Variants in DGKD observed in about 807,000 individuals in gnomAD.
DGKD encodes diacylglycerol kinase delta.
In DGKD, 68 loss-of-function variants were observed where a neutral mutation model predicts 154.4. The ratio of observed to expected loss-of-function variants is 0.44; its 90% confidence interval spans 0.36 to 0.54. DGKD has a LOEUF of 0.54. DGKD is among the 20% of genes least tolerant of loss of function. The pLI, the probability that DGKD is intolerant of heterozygous loss-of-function variation, is 0.00. For missense variants in DGKD, 1,343 were observed against 1,593.6 expected, an observed-to-expected ratio of 0.84 and a Z score of 2.68; for synonymous variants, 693 against 638.0, an observed-to-expected ratio of 1.09 and a Z score of -1.30.
intron 26 of DGKD, 70 bp downstream of exon 26, chr2:233,462,805 G>A: frequency 7.6e-7 from 1 of 1,320,514 alleles, no homozygotes. Flanking sequence ...CAGGTTGCTG[G>A]GCACACAGGG....
At chr2:233,363,763 A>G (rs1701894771) in intron 1 of DGKD, among the ~76,000 whole-genome samples, 1 of 152,264 alleles carries the variant, frequency 6.6e-6, no homozygotes, top group African/African-American at 2.4e-5. Context: ...ATATTTAGAT[A>G]CGCAAATACT....
At chr2:233,376,998 A>G (rs1316472001) in intron 1 of DGKD, among the ~76,000 whole-genome samples, 1 of 152,038 alleles carries the variant, frequency 6.6e-6, no homozygotes, top group Non-Finnish European at 1.5e-5. Flanking sequence ...CTTTTTGGAA[A>G]AAAAAAACTA....
In DGKD at chr2:233,438,229, C is replaced by T. The variant is rs2062764130; in HGVS notation, c.935C>T (p.Ala312Val). Reference sequence around the variant, plus strand: ...TTCTTGCGTCCAGGGTTCTGGAAGGCCAGCTGTCCTCCTTCTTGCACAAGC... The same window carrying T: ...TTCTTGCGTCCAGGGTTCTGGAAGGTCAGCTGTCCTCCTTCTTGCACAAGC... ...NSIDSDGFWKASCPPSCTSPL... is the reference protein window; with the variant it reads ...NSIDSDGFWKVSCPPSCTSPL... The change falls in exon 9 of 30, where the codon GCC (alanine) becomes GTC (valine). Residue 312 changes from alanine (A) to valine (V), a missense_variant. Ala to Val is a moderately conservative substitution (Grantham distance 64). This residue lies in a region of DGKD where 332 missense variants were observed against 400.1 expected (regional missense o/e 0.83). Transcript: ENST00000264057. The surrounding 1 kb of genome is among the most constrained non-coding windows in gnomAD (Gnocchi z 4.1). 1 of 1,613,976 alleles carries T rather than the reference C, an allele frequency of 6.2e-7. No individual in the cohort carries two copies. The highest frequency in any genetic ancestry group is 8.5e-7 in the Non-Finnish European group (1 of 1,179,974).
At chr2:233,360,674 C>G (rs2125374478) in intron 1 of DGKD, among the ~76,000 whole-genome samples, 2 of 152,334 alleles carry the variant, frequency 1.3e-5, no homozygotes, top group South Asian at 4.1e-4. Context: ...TAGGCTCAAG[C>G]CACTGTGCCT....
At chr2:233,384,088 A>G (rs1198517877) in intron 1 of DGKD, among the ~76,000 whole-genome samples, 1 of 152,150 alleles carries the variant, frequency 6.6e-6, no homozygotes, top group African/African-American at 2.4e-5. Flanking sequence ...TCATAAAAAG[A>G]AAGTTGTAAG....
intron 3 of DGKD, among the ~76,000 whole-genome samples, chr2:233,424,163 T>C (rs1266355639): frequency 2.0e-5 from 3 of 152,204 alleles, no homozygotes; most frequent in Non-Finnish European, 4.4e-5. Flanking sequence ...CATTAATTAC[T>C]CTTAGGCCCT....
chr2:233,408,706 G>A (rs1267086598), intron 3 of DGKD, among the ~76,000 whole-genome samples: 2 of 152,180 alleles, frequency 1.3e-5, no homozygotes, highest in South Asian at 2.1e-4. Flanking sequence ...GTCGAGCACC[G>A]GGCAGAGTAG....
intron 3 of DGKD, among the ~76,000 whole-genome samples, chr2:233,420,501 G>A (rs1433795343): frequency 2.0e-5 from 3 of 152,052 alleles, no homozygotes; most frequent in African/African-American, 7.2e-5. Context: ...CCTAACTTTG[G>A]TGTTTGTCAT....
chr2:233,424,596 C>G (rs1211640517), intron 3 of DGKD, among the ~76,000 whole-genome samples: 2 of 152,230 alleles, frequency 1.3e-5, no homozygotes, highest in Non-Finnish European at 1.5e-5. Context: ...GCTTCCCTGC[C>G]TCCGGCCCAC....
At chr2:233,397,492 G>T (rs1177020373) in intron 3 of DGKD, among the ~76,000 whole-genome samples, 2 of 137,922 alleles carry the variant, frequency 1.5e-5, no homozygotes, top group Non-Finnish European at 3.1e-5. Context: ...GCTGGCGGGG[G>T]GCCAGAGCGA....
intron 3 of DGKD, among the ~76,000 whole-genome samples, chr2:233,395,976 C>G (rs1181641252): frequency 1.3e-5 from 2 of 152,066 alleles, no homozygotes; most frequent in Non-Finnish European, 2.9e-5. Flanking sequence ...AGCTCTTATT[C>G]GATTCATACC....
chr2:233,406,591 A>T (rs749710176), intron 3 of DGKD, among the ~76,000 whole-genome samples: 1 of 152,212 alleles, frequency 6.6e-6, no homozygotes, highest in Non-Finnish European at 1.5e-5. Flanking sequence ...CATAACCAGG[A>T]TTCATGGCCC....
chr2:233,411,832 A>ATGG (rs1366594886), intron 3 of DGKD, among the ~76,000 whole-genome samples: 1 of 152,128 alleles, frequency 6.6e-6, no homozygotes, highest in Non-Finnish European at 1.5e-5. Flanking sequence ...CGACCCCCAT[A>ATGG]TGGATATTCA....
intron 3 of DGKD, among the ~76,000 whole-genome samples, chr2:233,413,112 G>T (rs1378519316): frequency 4.6e-5 from 7 of 152,160 alleles, no homozygotes; most frequent in Non-Finnish European, 1.0e-4. Flanking sequence ...AAAATAGAGA[G>T]TCAGGCCAGA....
Position 233,434,269 on chromosome 2 carries a change from G to A in DGKD, c.349-111G>A, listed in dbSNP as rs1003632796. The A allele has an allele frequency of 1.1e-5, 9 of 790,094 alleles. No individual in the cohort carries two copies. In the African/African-American group the frequency reaches 1.2e-4, roughly 11 times the overall value. 48.9% of individuals were successfully genotyped at this position (790,094 alleles called of 1,614,324 possible). A position where few individuals can be genotyped will look rare whatever the true frequency, so the allele number is the denominator to read the frequency against. ...TGTTTTCGGTTCAGTGTGAATACCT[G>A]AATGAAATAGTAATTTTTATGTCTG... is the stretch of plus-strand genomic sequence containing the variant. On this transcript the variant is annotated intron_variant, in intron 3 of 29. Coordinates refer to ENST00000264057, the MANE Select transcript of DGKD (RefSeq NM_152879.3).
intron 3 of DGKD, among the ~76,000 whole-genome samples, chr2:233,402,294 C>G (rs1390866273): frequency 2.6e-5 from 4 of 152,164 alleles, no homozygotes; most frequent in African/African-American, 9.7e-5. Flanking sequence ...TTTTTCAAAG[C>G]TTTCCAAAAT....
chr2:233,438,808 A>G lies in DGKD; in HGVS notation c.1085+429A>G, dbSNP rs542123710. On this transcript the variant is annotated intron_variant, in intron 9 of 29. Coordinates refer to ENST00000264057, the MANE Select transcript of DGKD (RefSeq NM_152879.3). The surrounding 1 kb of genome is among the most constrained non-coding windows in gnomAD (Gnocchi z 4.1). ...TATCTATCTATCTATCTATCTATCTATCTATCTGTGGGTGTATTTTCCTGG... is the reference window on the plus strand; with the variant it reads ...TATCTATCTATCTATCTATCTATCTGTCTATCTGTGGGTGTATTTTCCTGG... 3.0e-3 allele frequency among the ~76,000 whole-genome samples: 387 copies of G among 130,628 alleles called. No homozygotes were observed. Among genetic ancestry groups the G allele is most frequent in the Non-Finnish European group, 4.9e-3 (299 of 60,488 alleles). 85.7% of individuals were successfully genotyped at this position (130,628 alleles called of 152,430 possible). A position where few individuals can be genotyped will look rare whatever the true frequency, so the allele number is the denominator to read the frequency against.
intron 1 of DGKD, among the ~76,000 whole-genome samples, chr2:233,368,961 T>C (rs1378834440): frequency 2.0e-5 from 3 of 152,230 alleles, no homozygotes; most frequent in Non-Finnish European, 4.4e-5. Context: ...TTGCTGCCCA[T>C]TTCCTGCCAG....
chr2:233,466,652 C>T (rs1048135809), intron 27 of DGKD, among the ~76,000 whole-genome samples: 13 of 152,132 alleles, frequency 8.5e-5, no homozygotes, highest in African/African-American at 2.2e-4. Flanking sequence ...GGGAGTGGAT[C>T]GCAAGGAAAG....
Sources: gnomAD v4.1 joint callset for allele counts (sites outside exome capture counted in the v4.1 genomes callset) on GRCh38, gnomAD v4.1.1 for gene constraint, gnomAD v4.1.1 regional missense constraint, Gnocchi (gnomAD v3.1) non-coding constraint, MANE v1.5 for transcripts, NCBI Gene and HGNC (gene_info 2026-07-23, HGNC 2026-07-21) for gene names.